UBE2QL1: variants seen among roughly 807,000 people sequenced by gnomAD.
UBE2QL1 encodes ubiquitin conjugating enzyme E2 QL1, also known as ubiquitin-conjugating enzyme E2Q-like protein 1.
In UBE2QL1, 5 loss-of-function variants were observed where a neutral mutation model predicts 12.6. That is an observed-to-expected ratio of 0.40 (90% CI 0.21 to 0.83). The LOEUF is 0.83. Ranked by LOEUF, UBE2QL1 falls within the 40% of genes least tolerant of loss-of-function variation. The pLI is 0.37. For missense variants in UBE2QL1, 99 were observed against 222.6 expected (o/e 0.44, Z 3.53); for synonymous variants, 96 against 94.5 (o/e 1.02, Z -0.10).
Position 6,469,366 on chromosome 5 carries a change from T to C in UBE2QL1, c.354+20119T>C, listed in dbSNP as rs149124172. Among the ~76,000 whole-genome samples the C allele has an allele frequency of 5.0e-3, 762 of 151,196 alleles. 5 individuals carry two copies. The highest frequency in any genetic ancestry group is 0.018 in the African/African-American group (741 of 41,382). ...AAATATTATAAGGCTGGGTTCTTTA[T>C]ATATATGTATATGAACATAATCTAT... On this transcript the variant is annotated intron_variant, in intron 1 of 1. Coordinates refer to ENST00000399816, the MANE Select transcript of UBE2QL1 (RefSeq NM_001145161.3).
At position 6,449,046 on chromosome 5, in the gene UBE2QL1, C is replaced by T; in HGVS notation, c.153C>T (p.Phe51=). Residue 51 remains phenylalanine, a synonymous_variant, in exon 1 of 2, where the codon TTC becomes TTT. Transcript: ENST00000399816. The part of the protein sequence containing the change: ...WQDMKETNTE[F]ILLNLTFPDN... ...ACATGAAGGAGACCAACACCGAGTT[C>T]ATCCTGCTCAACCTCACCTTCCCCG... The T allele has an allele frequency of 6.5e-7, 1 of 1,548,916 alleles. No individual in the cohort carries two copies. The highest frequency in any genetic ancestry group is 8.7e-7 in the Non-Finnish European group (1 of 1,145,820).
At chr5:6,465,876 C>A (rs965455768) in intron 1 of UBE2QL1, among the ~76,000 whole-genome samples, 5 of 152,220 alleles carry the variant, frequency 3.3e-5, no homozygotes, top group African/African-American at 1.2e-4. Context: ...TGCATTTCCA[C>A]GTTTGCTTTT....
intron 1 of UBE2QL1, among the ~76,000 whole-genome samples, chr5:6,457,637 A>C: frequency 6.6e-6 from 1 of 152,190 alleles, no homozygotes; most frequent in East Asian, 1.9e-4. Flanking sequence ...TCCTTGTAGC[A>C]GCCTAAGAGG....
rs1190870024 is a variant in UBE2QL1, at chr5:6,491,774, C to G, written c.*425C>G. On this transcript the variant is annotated 3_prime_UTR_variant, in exon 2 of 2. Coordinates refer to ENST00000399816, the MANE Select transcript of UBE2QL1 (RefSeq NM_001145161.3). ...TCACAGGGACGCCGTGCATCTCCGC[C>G]GTGCGTCCCCGGCACGTGTTTGCTG... 1.3e-5 allele frequency: 2 copies of G among 155,946 alleles called. No homozygotes were observed. The highest frequency in any genetic ancestry group is 2.8e-5 in the Non-Finnish European group (2 of 70,376). 9.7% of individuals were successfully genotyped at this position (155,946 alleles called of 1,614,324 possible).
intron 1 of UBE2QL1, among the ~76,000 whole-genome samples, chr5:6,459,027 C>T (rs1403155310): frequency 1.3e-5 from 2 of 152,048 alleles, no homozygotes; most frequent in African/African-American, 4.8e-5. Flanking sequence ...GGGGCCTTGT[C>T]CACAGTAGCG....
At position 6,491,385 on chromosome 5, in the gene UBE2QL1, C is replaced by CCA; in HGVS notation, c.*46_*47dup. The CCA allele has an allele frequency of 1.3e-6, 2 of 1,526,050 alleles. No homozygotes were observed. Among genetic ancestry groups the CCA allele is most frequent in the Non-Finnish European group, 1.8e-6 (2 of 1,135,296 alleles). 94.5% of individuals were successfully genotyped at this position (1,526,050 alleles called of 1,614,324 possible). A position where few individuals can be genotyped will look rare whatever the true frequency, so the allele number is the denominator to read the frequency against. The stretch of plus-strand genomic sequence containing the variant: ...GTGCAGTAGACGCTCGAGCGCCTGT[C>CCA]CACACACACACCAGTACCCTGACAT... On this transcript the variant is annotated 3_prime_UTR_variant, in exon 2 of 2. Transcript: ENST00000399816.
At chr5:6,464,033 C>T (rs1177056055) in intron 1 of UBE2QL1, among the ~76,000 whole-genome samples, 1 of 151,942 alleles carries the variant, frequency 6.6e-6, no homozygotes, top group Non-Finnish European at 1.5e-5. Context: ...AGTGCAATGG[C>T]GTGATCTCAG....
chr5:6,460,647 G>T (rs1739632504), intron 1 of UBE2QL1, among the ~76,000 whole-genome samples: 1 of 152,186 alleles, frequency 6.6e-6, no homozygotes, highest in Non-Finnish European at 1.5e-5. Context: ...AGCACAGATT[G>T]ATATCTGGGT....
intron 1 of UBE2QL1, among the ~76,000 whole-genome samples, chr5:6,455,508 G>A (rs1003530287): frequency 1.3e-5 from 2 of 152,118 alleles, no homozygotes; most frequent in African/African-American, 2.4e-5. Context: ...GGCCACAAGT[G>A]TTAGTCCTTT....
chr5:6,474,582 T>C (rs749461116), intron 1 of UBE2QL1, among the ~76,000 whole-genome samples: 1 of 152,236 alleles, frequency 6.6e-6, no homozygotes, highest in Non-Finnish European at 1.5e-5. Flanking sequence ...GATGACATAA[T>C]GTGTAAAATA....
chr5:6,489,614 C>T (rs1734528132), intron 1 of UBE2QL1, among the ~76,000 whole-genome samples: 1 of 152,124 alleles, frequency 6.6e-6, no homozygotes, highest in Admixed American at 6.5e-5. Flanking sequence ...GAAAAGGAAG[C>T]CTAGGTAGGC....
At chr5:6,488,946 C>T (rs1160796819) in intron 1 of UBE2QL1, among the ~76,000 whole-genome samples, 1 of 152,158 alleles carries the variant, frequency 6.6e-6, no homozygotes, top group Non-Finnish European at 1.5e-5. Flanking sequence ...TCTGAGTGGT[C>T]TCTTTTTATC....
chr5:6,461,772 G>A (rs2126335816), intron 1 of UBE2QL1, among the ~76,000 whole-genome samples: 1 of 152,156 alleles, frequency 6.6e-6, no homozygotes, highest in African/African-American at 2.4e-5. Flanking sequence ...TTATTTAGCT[G>A]TCACGTAATC....
intron 1 of UBE2QL1, among the ~76,000 whole-genome samples, chr5:6,465,619 G>C (rs1036532386): frequency 2.0e-5 from 3 of 152,152 alleles, no homozygotes; most frequent in Non-Finnish European, 4.4e-5. Context: ...GGACTCTTGG[G>C]GGGGCTCTGG....
chr5:6,469,944 G>C (rs915586206), intron 1 of UBE2QL1, among the ~76,000 whole-genome samples: 1 of 152,186 alleles, frequency 6.6e-6, no homozygotes, highest in Non-Finnish European at 1.5e-5. Context: ...TGTGATGAGA[G>C]TGAACACAGA....
intron 1 of UBE2QL1, among the ~76,000 whole-genome samples, chr5:6,460,649 T>C (rs915168463): frequency 2.0e-5 from 3 of 152,210 alleles, no homozygotes; most frequent in African/African-American, 7.2e-5. Flanking sequence ...CACAGATTGA[T>C]ATCTGGGTTT....
chr5:6,486,309 A>AGC, intron 1 of UBE2QL1, among the ~76,000 whole-genome samples: 1 of 149,292 alleles, frequency 6.7e-6, no homozygotes, highest in East Asian at 2.0e-4. Context: ...TACACACACA[A>AGC]GCACACACAC....
At chr5:6,462,954 G>A (rs1324209395) in intron 1 of UBE2QL1, among the ~76,000 whole-genome samples, 5 of 152,224 alleles carry the variant, frequency 3.3e-5, no homozygotes, top group Non-Finnish European at 5.9e-5. Flanking sequence ...TGGAGTGAAC[G>A]ATAAACGGAA....
At chr5:6,489,868 G>T (rs1206762959) in intron 1 of UBE2QL1, among the ~76,000 whole-genome samples, 2 of 152,214 alleles carry the variant, frequency 1.3e-5, no homozygotes, top group African/African-American at 2.4e-5. Context: ...CTGGTGGGGA[G>T]GCCTGGTCCC....
Sources: allele counts gnomAD v4.1 joint callset (sites outside exome capture counted in the v4.1 genomes callset), GRCh38; gene constraint gnomAD v4.1.1; transcripts MANE v1.5; gene names NCBI Gene and HGNC (gene_info 2026-07-23, HGNC 2026-07-21).